Variants in GNAQ observed in about 807,000 individuals in gnomAD.
GNAQ encodes the protein guanine nucleotide-binding protein G(q) subunit alpha.
A neutral mutation model predicts 43.9 loss-of-function variants in GNAQ; 8 were observed. The ratio of observed to expected loss-of-function variants is 0.18; its 90% confidence interval spans 0.11 to 0.33. GNAQ has a LOEUF of 0.33. Ranked by LOEUF, GNAQ falls within the 10% of genes least tolerant of loss-of-function variation. GNAQ has a pLI of 1.00. For synonymous variants in GNAQ, 155 were observed against 170.7 expected (o/e 0.91, Z 0.71); for missense variants, 158 against 450.8 (o/e 0.35, Z 5.88).
At chr9:77,907,390 A>G (rs1828726702) in intron 2 of GNAQ, among the ~76,000 whole-genome samples, 2 of 152,226 alleles carry the variant, frequency 1.3e-5, no homozygotes, top group African/African-American at 4.8e-5. Context: ...AGAAAGGGAA[A>G]TAAGGAAAGA....
intron 1 of GNAQ, chr9:78,030,685 C>T (rs1337938035): frequency 2.5e-6 from 1 of 404,278 alleles, no homozygotes; most frequent in Non-Finnish European, 5.2e-6. Context: ...GCTCCCCACG[C>T]CACCACCCCA....
chr9:77,891,614 G>A (rs1352916361), intron 2 of GNAQ, among the ~76,000 whole-genome samples: 8 of 152,068 alleles, frequency 5.3e-5, no homozygotes, highest in Non-Finnish European at 1.2e-4. Flanking sequence ...CCCTGCCTTT[G>A]CCACTTCTTT....
intron 3 of GNAQ, among the ~76,000 whole-genome samples, chr9:77,815,068 T>C (rs1826990645): frequency 6.6e-6 from 1 of 152,152 alleles, no homozygotes; most frequent in South Asian, 2.1e-4. Flanking sequence ...AAAATTAGAC[T>C]CACATGAAAT....
chr9:77,880,016 A>G (rs1415511092), intron 2 of GNAQ, among the ~76,000 whole-genome samples: 1 of 152,224 alleles, frequency 6.6e-6, no homozygotes, highest in Non-Finnish European at 1.5e-5. Flanking sequence ...ACAGCACGTT[A>G]GTGAGTAGAA....
chr9:77,893,910 C>CT (rs1377487994), intron 2 of GNAQ, among the ~76,000 whole-genome samples: 12 of 152,132 alleles, frequency 7.9e-5, no homozygotes, highest in Non-Finnish European at 1.3e-4. Flanking sequence ...CCAGTCTTGT[C>CT]TGACACCTTC....
intron 1 of GNAQ, among the ~76,000 whole-genome samples, chr9:78,022,340 C>T (rs1337451524): frequency 2.0e-5 from 3 of 152,254 alleles, no homozygotes; most frequent in East Asian, 1.9e-4. Flanking sequence ...TCATCTGCTG[C>T]AATCTCCTCA....
At chr9:77,751,331 T>C (rs1034621195) in intron 5 of GNAQ, among the ~76,000 whole-genome samples, 1 of 152,184 alleles carries the variant, frequency 6.6e-6, no homozygotes, top group African/African-American at 2.4e-5. Context: ...AATAAAAATA[T>C]CCTAGAATGG....
intron 5 of GNAQ, among the ~76,000 whole-genome samples, chr9:77,749,710 C>T (rs972392061): frequency 2.0e-5 from 3 of 152,126 alleles, no homozygotes; most frequent in Admixed American, 6.5e-5. Context: ...ACAGTTTACA[C>T]AGCAATCCAG....
At chr9:77,915,433 GTTT>G (rs898510049) in intron 2 of GNAQ, among the ~76,000 whole-genome samples, 3 of 152,012 alleles carry the variant, frequency 2.0e-5, no homozygotes, top group African/African-American at 7.2e-5. Context: ...TGGTCACATT[GTTT>G]TTTTGTTTTA....
At chr9:77,747,421 G>A (rs1463810726) in intron 5 of GNAQ, among the ~76,000 whole-genome samples, 1 of 152,082 alleles carries the variant, frequency 6.6e-6, no homozygotes, top group Admixed American at 6.6e-5. Context: ...TACTGAAAAA[G>A]GTAGAGGAGA....
chr9:77,984,514 G>T (rs1294396051), intron 1 of GNAQ, among the ~76,000 whole-genome samples: 3 of 152,120 alleles, frequency 2.0e-5, no homozygotes, highest in African/African-American at 7.2e-5. Flanking sequence ...TGATGAAATA[G>T]TTAACAAAGT....
chr9:77,760,996 A>C (rs1159629911), intron 5 of GNAQ, among the ~76,000 whole-genome samples: 1 of 151,092 alleles, frequency 6.6e-6, no homozygotes, highest in Non-Finnish European at 1.5e-5. Context: ...AGAAGTGAGG[A>C]GACCCTCCGC....
chr9:77,930,145 G>A (rs541591785), intron 1 of GNAQ, among the ~76,000 whole-genome samples: 3 of 152,056 alleles, frequency 2.0e-5, no homozygotes, highest in African/African-American at 7.2e-5. Context: ...CTTTGTGCAG[G>A]ATCTGGCAGT....
At chr9:77,767,316 A>G (rs942966970) in intron 5 of GNAQ, among the ~76,000 whole-genome samples, 1 of 152,112 alleles carries the variant, frequency 6.6e-6, no homozygotes, top group Non-Finnish European at 1.5e-5. Flanking sequence ...ACTAGATGCC[A>G]GTAGCACCCC....
At chr9:77,854,437 G>C (rs918627856) in intron 2 of GNAQ, among the ~76,000 whole-genome samples, 1 of 152,168 alleles carries the variant, frequency 6.6e-6, no homozygotes, top group Non-Finnish European at 1.5e-5. Context: ...ATTTGTCATG[G>C]GGCAAGACTA....
At chr9:77,855,635 G>A (rs562382915) in intron 2 of GNAQ, among the ~76,000 whole-genome samples, 1 of 151,930 alleles carries the variant, frequency 6.6e-6, no homozygotes, top group Non-Finnish European at 1.5e-5. Context: ...ATTACCCACA[G>A]CAAGAAAACA....
chr9:77,880,243 T>C (rs1037162020), intron 2 of GNAQ, among the ~76,000 whole-genome samples: 2 of 152,192 alleles, frequency 1.3e-5, no homozygotes, highest in African/African-American at 2.4e-5. Flanking sequence ...CTCAGAAATA[T>C]GTCCTGTCTG....
chr9:77,754,605 G>A (rs533610626), intron 5 of GNAQ, among the ~76,000 whole-genome samples: 1 of 152,244 alleles, frequency 6.6e-6, no homozygotes, highest in South Asian at 2.1e-4. Flanking sequence ...TCATGACCAG[G>A]TAAGTGATGT....
intron 1 of GNAQ, among the ~76,000 whole-genome samples, chr9:77,946,688 A>G (rs1449705984): frequency 6.6e-6 from 1 of 152,236 alleles, no homozygotes; most frequent in African/African-American, 2.4e-5. Flanking sequence ...TGCAGTCTTT[A>G]TTTTACACAA....
Sources: gnomAD v4.1 joint callset for allele counts (sites outside exome capture counted in the v4.1 genomes callset) on GRCh38, gnomAD v4.1.1 for gene constraint, MANE v1.5 for transcripts, NCBI Gene and HGNC (gene_info 2026-07-23, HGNC 2026-07-21) for gene names.